Variants in SYNE1 observed in about 807,000 individuals in gnomAD.
The protein encoded by SYNE1 is nesprin-1.
Under a neutral mutation model 1,111.0 loss-of-function variants are expected in SYNE1, and 616 were observed. The observed-to-expected ratio is 0.55, with a 90% CI of 0.52 to 0.59. The LOEUF (loss-of-function observed/expected upper bound fraction) is 0.59. SYNE1 is among the 20% of genes least tolerant of loss of function. SYNE1 has a pLI of 0.00. For synonymous variants in SYNE1, 3,855 were observed against 3,825.8 expected, an observed-to-expected ratio of 1.01 and a Z score of -0.28; for missense variants, 10,006 against 10,417.0, an observed-to-expected ratio of 0.96 and a Z score of 1.72.
intron 3 of SYNE1, among the ~76,000 whole-genome samples, chr6:152,593,103 T>C (rs1027394084): frequency 6.6e-5 from 10 of 152,208 alleles, no homozygotes; most frequent in Admixed American, 6.5e-4. Context: ...TGGTGAAACT[T>C]TTGCAACCAG....
rs200419159 is a variant in SYNE1, at chr6:152,301,827, C to T, written c.17541+42G>A. 90 of 1,566,526 alleles carry T rather than the reference C, an allele frequency of 5.7e-5. 1 individual carries two copies. In the East Asian group the frequency reaches 2.0e-3, roughly 35 times the overall value. ...GGAACATGGAGCCACTCGCCAGGCT[C>T]CAGTCAAAGAGCAAAGCCGCGGGGA... On this transcript the variant is annotated intron_variant, in intron 92 of 145. Coordinates refer to ENST00000367255, the MANE Select transcript of SYNE1 (RefSeq NM_182961.4).
intron 140 of SYNE1, among the ~76,000 whole-genome samples, chr6:152,139,717 A>AAAAGAAAGAAAGAGAAAGAAAGAAAG (rs2058040505): frequency 1.0e-5 from 1 of 95,428 alleles, no homozygotes; most frequent in African/African-American, 4.5e-5. Context: ...AAAAGAAAGA[A>AAAAGAAAGAAAGAGAAAGAAAGAAAG]AAAGAAAGAA....
chr6:152,511,167 A>G, intron 6 of SYNE1, 64 bp from the exon 7 acceptor site: 1 of 1,409,350 alleles, frequency 7.1e-7, no homozygotes, highest in East Asian at 2.3e-5. Flanking sequence ...TTAATTATGT[A>G]ACAATTAGGC....
chr6:152,289,355 A>G (rs2094472058), intron 95 of SYNE1, among the ~76,000 whole-genome samples: 1 of 152,232 alleles, frequency 6.6e-6, no homozygotes, highest in Non-Finnish European at 1.5e-5. Context: ...GAAAAGAAAC[A>G]CGGACCTTAT....
chr6:152,180,504 T>G (rs2067691868), intron 128 of SYNE1, among the ~76,000 whole-genome samples: 1 of 152,166 alleles, frequency 6.6e-6, no homozygotes, highest in Non-Finnish European at 1.5e-5. Flanking sequence ...CACATTAGCT[T>G]ATTAAAGGTT....
chr6:152,574,207 T>TATATATACACATAAATATATAC (rs2099486922), intron 3 of SYNE1, among the ~76,000 whole-genome samples: 1 of 148,580 alleles, frequency 6.7e-6, no homozygotes, highest in Admixed American at 6.7e-5. Flanking sequence ...TATATACATA[T>TATATATACACATAAATATATAC]ATATATATAT....
At chr6:152,524,793 G>A (rs1009381870) in intron 5 of SYNE1, among the ~76,000 whole-genome samples, 1 of 152,128 alleles carries the variant, frequency 6.6e-6, no homozygotes, top group Non-Finnish European at 1.5e-5. Flanking sequence ...CAGTCCCACT[G>A]ATGACTCTAT....
At chr6:152,585,062 A>G (rs1234548246) in intron 3 of SYNE1, among the ~76,000 whole-genome samples, 4 of 152,160 alleles carry the variant, frequency 2.6e-5, no homozygotes, top group Non-Finnish European at 5.9e-5. Flanking sequence ...AGGGGTGGTT[A>G]TCCTCATGCT....
At chr6:152,452,718 T>C (rs2098661203) in intron 25 of SYNE1, among the ~76,000 whole-genome samples, 1 of 152,190 alleles carries the variant, frequency 6.6e-6, no homozygotes, top group African/African-American at 2.4e-5. Context: ...TCCATGGGTC[T>C]CCACTGTGCT....
intron 6 of SYNE1, among the ~76,000 whole-genome samples, chr6:152,511,334 A>C (rs2099083769): frequency 6.6e-6 from 1 of 152,170 alleles, no homozygotes; most frequent in African/African-American, 2.4e-5. Context: ...GGATTTCAGA[A>C]ACTTCTTTTG....
chr6:152,586,200 A>G (rs577909683), intron 3 of SYNE1, among the ~76,000 whole-genome samples: 10 of 152,076 alleles, frequency 6.6e-5, no homozygotes, highest in Admixed American at 6.5e-4. Flanking sequence ...TATAATGTTT[A>G]TTTTTCTGAA....
chr6:152,157,825 C>T (rs1017850427), intron 131 of SYNE1, among the ~76,000 whole-genome samples: 1 of 149,736 alleles, frequency 6.7e-6, no homozygotes, highest in Non-Finnish European at 1.5e-5. Flanking sequence ...GTGGCATGAT[C>T]TCAGATCACT....
chr6:152,569,286 G>C (rs890391564), intron 3 of SYNE1, among the ~76,000 whole-genome samples: 1 of 152,160 alleles, frequency 6.6e-6, no homozygotes, highest in South Asian at 2.1e-4. Flanking sequence ...GTGGTTCCCA[G>C]CATGCATCCA....
Position 152,336,451 on chromosome 6 carries a change from G to T in SYNE1, c.12528+390C>A, listed in dbSNP as rs559442052. The T allele has an allele frequency of 2.7e-5, 7 of 256,560 alleles. No individual in the cohort carries two copies. In the Admixed American group the frequency reaches 3.5e-4, roughly 13 times the overall value. 15.9% of individuals were successfully genotyped at this position (256,560 alleles called of 1,614,324 possible). ...ATTTTTCCGTGAATGGGGCTGGAGG[G>T]GGATGGTTTCAGGATGAAGCTGTTC... On this transcript the variant is annotated intron_variant, in intron 76 of 145. Coordinates refer to ENST00000367255, the MANE Select transcript of SYNE1 (RefSeq NM_182961.4).
At chr6:152,184,313 T>C (rs559831745) in intron 128 of SYNE1, among the ~76,000 whole-genome samples, 42 of 152,078 alleles carry the variant, frequency 2.8e-4, no homozygotes, top group African/African-American at 9.6e-4. Context: ...GGCAGGTGCC[T>C]GTAATCCCAG....
rs202107702 is a variant in SYNE1, at chr6:152,409,147, G to A, written c.6461C>T (p.Ser2154Phe). ...NFTSKGKHLL[S>F]ELKKIHSSDF... ...ACTACTGTGAATTTTCTTCAGCTCAGATAACAAGTGTTTTCCTTTGCTGGT... is the reference window on the plus strand; with the variant it reads ...ACTACTGTGAATTTTCTTCAGCTCAAATAACAAGTGTTTTCCTTTGCTGGT... Residue 2154 changes from serine (S) to phenylalanine (F), a missense_variant, in exon 44 of 146, where the codon TCT (serine) becomes TTT (phenylalanine). Ser to Phe is a radical substitution (Grantham distance 155). Around this residue, in one of 7 missense-constraint regions of SYNE1, gnomAD observed 4,955 missense variants for 5,017.2 expected, o/e 0.99. Transcript: ENST00000367255. 43 of 1,613,988 alleles carry A rather than the reference G, an allele frequency of 2.7e-5. No individual in the cohort carries two copies. Among genetic ancestry groups the A allele is most frequent in the Middle Eastern group, 3.3e-4 (2 of 6,084 alleles).
At chr6:152,535,631 A>G (rs1369913180) in intron 4 of SYNE1, among the ~76,000 whole-genome samples, 1 of 152,224 alleles carries the variant, frequency 6.6e-6, no homozygotes, top group East Asian at 1.9e-4. Context: ...ATAAAGATAC[A>G]ATATTCCATT....
chr6:152,396,434 C>G (rs2097732350), intron 50 of SYNE1, among the ~76,000 whole-genome samples: 1 of 151,906 alleles, frequency 6.6e-6, no homozygotes, highest in African/African-American at 2.4e-5. Context: ...TGACTCTATC[C>G]CAAATGAAGT....
chr6:152,272,770 G>T (rs1324346574), intron 98 of SYNE1, among the ~76,000 whole-genome samples: 1 of 152,154 alleles, frequency 6.6e-6, no homozygotes, highest in Non-Finnish European at 1.5e-5. Context: ...ACTTAGGAAG[G>T]TATTCCAACC....
Sources: allele counts gnomAD v4.1 joint callset (sites outside exome capture counted in the v4.1 genomes callset), GRCh38; gene constraint gnomAD v4.1.1; regional missense constraint gnomAD v4.1.1; transcripts MANE v1.5; gene names NCBI Gene and HGNC (gene_info 2026-07-23, HGNC 2026-07-21).